POMGNT2: variants seen among roughly 807,000 people sequenced by gnomAD.
POMGNT2 encodes the protein protein O-linked mannose N-acetylglucosaminyltransferase 2 (beta 1,4-), also known as protein O-linked-mannose beta-1,4-N-acetylglucosaminyltransferase 2.
POMGNT2 carries 32 observed loss-of-function variants against 37.8 expected under a neutral mutation model. The observed-to-expected ratio is 0.85, with a 90% CI of 0.64 to 1.14. POMGNT2 has a LOEUF of 1.14. Among genes scored for constraint, POMGNT2 ranks in the 50% most tolerant of loss-of-function variants. The probability of loss-of-function intolerance (pLI) is 0.00; values close to 1 mark genes in which losing one functional copy is unlikely to be tolerated. For missense variants in POMGNT2, 705 were observed against 780.6 expected, an observed-to-expected ratio of 0.90 and a Z score of 1.15; for synonymous variants, 340 against 336.8, an observed-to-expected ratio of 1.01 and a Z score of -0.10.
intron 1 of POMGNT2, among the ~76,000 whole-genome samples, chr3:43,103,236 G>A (rs764690457): frequency 6.6e-6 from 1 of 152,098 alleles, no homozygotes; most frequent in Non-Finnish European, 1.5e-5. Flanking sequence ...AGGCAGCCAG[G>A]ATTAAAATGG....
chr3:43,099,399 G>T (rs999587897), intron 1 of POMGNT2, among the ~76,000 whole-genome samples: 3 of 152,180 alleles, frequency 2.0e-5, no homozygotes, highest in Non-Finnish European at 2.9e-5. Flanking sequence ...GAGCATCTCT[G>T]TTATGTGTCT....
chr3:43,080,690 C>A lies in POMGNT2; in HGVS notation c.742G>T (p.Val248Leu), dbSNP rs1428982579. The A allele has an allele frequency of 6.2e-7, 1 of 1,614,182 alleles. No homozygotes were observed. The highest frequency in any genetic ancestry group is 8.5e-7 in the Non-Finnish European group (1 of 1,180,042). ...TTGGCCTTCGGGCCCTGGGGCTGCACAAAGCCATACTGGTACCAGGTAGTG... is the reference window on the plus strand; with the variant it reads ...TTGGCCTTCGGGCCCTGGGGCTGCAAAAAGCCATACTGGTACCAGGTAGTG... ...KITTWYQYGFVQPQGPKANIL... is the reference protein window; with the variant it reads ...KITTWYQYGFLQPQGPKANIL... The change falls in exon 2 of 2, where the codon GTG (valine) becomes TTG (leucine). Residue 248 changes from valine (V) to leucine (L), a missense_variant. Physicochemically the swap from Val to Leu is conservative, Grantham distance 32 (BLOSUM62 1). Coordinates refer to ENST00000344697, the MANE Select transcript of POMGNT2 (RefSeq NM_032806.6).
At chr3:43,083,778 C>T (rs1324386015) in intron 1 of POMGNT2, among the ~76,000 whole-genome samples, 1 of 152,184 alleles carries the variant, frequency 6.6e-6, no homozygotes, top group African/African-American at 2.4e-5. Context: ...GGGAAAGGAT[C>T]ATCTATTATA....
intron 1 of POMGNT2, among the ~76,000 whole-genome samples, chr3:43,094,554 A>G (rs2089965832): frequency 6.6e-6 from 1 of 152,224 alleles, no homozygotes; most frequent in Non-Finnish European, 1.5e-5. Flanking sequence ...AGAGACTTGG[A>G]GCTAAGCCGC....
intron 1 of POMGNT2, among the ~76,000 whole-genome samples, chr3:43,086,071 A>G (rs900288398): frequency 6.6e-6 from 1 of 151,830 alleles, no homozygotes; most frequent in Non-Finnish European, 1.5e-5. Flanking sequence ...AAATTTGTCT[A>G]CTCTATTTTG....
In POMGNT2 at chr3:43,081,420, C is replaced by T. The variant is rs368531523; in HGVS notation, c.12G>A (p.Ser4=). 165 of 1,571,152 alleles carry T rather than the reference C, an allele frequency of 1.1e-4. No homozygotes were observed. Among genetic ancestry groups the T allele is most frequent in the South Asian group, 6.8e-4 (57 of 83,702 alleles). ...ACACCAGGAGGGCGTTGAACACCGCCGAGAGGTGCATCCTAATGCCACTGT... is the reference window on the plus strand; with the variant it reads ...ACACCAGGAGGGCGTTGAACACCGCTGAGAGGTGCATCCTAATGCCACTGT... MHL[S]AVFNALLVSV... Residue 4 remains serine, a synonymous_variant, in exon 2 of 2, where the codon TCG becomes TCA. Coordinates refer to ENST00000344697, the MANE Select transcript of POMGNT2 (RefSeq NM_032806.6).
At chr3:43,092,290 T>TTTTTG (rs1434967225) in intron 1 of POMGNT2, among the ~76,000 whole-genome samples, 1 of 151,882 alleles carries the variant, frequency 6.6e-6, no homozygotes, top group Non-Finnish European at 1.5e-5. Flanking sequence ...GAAACATGAG[T>TTTTTG]TTTTGTTTTG....
chr3:43,083,331 T>C (rs371892076), intron 1 of POMGNT2, among the ~76,000 whole-genome samples: 1 of 152,220 alleles, frequency 6.6e-6, no homozygotes, highest in African/African-American at 2.4e-5. Context: ...AAAATACTGG[T>C]CTACTCCAGA....
At chr3:43,097,269 G>C (rs952458311) in intron 1 of POMGNT2, among the ~76,000 whole-genome samples, 4 of 152,242 alleles carry the variant, frequency 2.6e-5, no homozygotes, top group Non-Finnish European at 4.4e-5. Context: ...GTGTGACCTG[G>C]AGACAGAACA....
Sources: allele counts gnomAD v4.1 joint callset (sites outside exome capture counted in the v4.1 genomes callset), GRCh38; gene constraint gnomAD v4.1.1; transcripts MANE v1.5; gene names NCBI Gene and HGNC (gene_info 2026-07-23, HGNC 2026-07-21).